The following ZNF76 variants were observed in gnomAD, a reference collection of about 807,000 sequenced individuals.
ZNF76 encodes the protein zinc finger protein 523.
In ZNF76, 66 loss-of-function variants were observed where a neutral mutation model predicts 66.9. That is an observed-to-expected ratio of 0.99 (90% CI 0.81 to 1.21). The LOEUF (loss-of-function observed/expected upper bound fraction) is 1.21, where lower values mean the gene tolerates loss of function less well. ZNF76 is among the 50% of genes most tolerant of loss of function. The probability of loss-of-function intolerance (pLI) is 0.00; values close to 1 mark genes in which losing one functional copy is unlikely to be tolerated. For missense variants in ZNF76, 729 were observed against 760.3 expected (o/e 0.96, Z 0.48); for synonymous variants, 275 against 296.1 (o/e 0.93, Z 0.73).
chr6:35,276,504 C>A (rs1005198798), intron 1 of ZNF76, among the ~76,000 whole-genome samples: 4 of 152,218 alleles, frequency 2.6e-5, no homozygotes, highest in Non-Finnish European at 5.9e-5. Context: ...ACTATTATCC[C>A]CATTTTCTCA....
chr6:35,291,760 A>G, intron 9 of ZNF76, 23 bp downstream of exon 9: 2 of 1,601,440 alleles, frequency 1.2e-6, no homozygotes, highest in African/African-American at 1.3e-5. Flanking sequence ...GCATGCGAGG[A>G]CTACCCTCAC....
chr6:35,270,073 T>C (rs952536133), intron 1 of ZNF76, among the ~76,000 whole-genome samples: 5 of 152,216 alleles, frequency 3.3e-5, no homozygotes, highest in Non-Finnish European at 5.9e-5. Context: ...AAGCATGCAT[T>C]TAGACTTTCT....
In ZNF76 at chr6:35,286,413, C is replaced by A; in HGVS notation, c.232+14C>A. Reference sequence around the variant, plus strand: ...GCACACCCAGAGGTAGGGTCACCATCATCACAACTCGGGGAAGGATGGGAG... The same window carrying A: ...GCACACCCAGAGGTAGGGTCACCATAATCACAACTCGGGGAAGGATGGGAG... On this transcript the variant is annotated intron_variant, in intron 4 of 13. Coordinates refer to ENST00000373953, the MANE Select transcript of ZNF76 (RefSeq NM_003427.5). The A allele has an allele frequency of 6.2e-7, 1 of 1,612,940 alleles. No homozygotes were observed. The highest frequency in any genetic ancestry group is 8.5e-7 in the Non-Finnish European group (1 of 1,179,374).
intron 9 of ZNF76, 108 bp downstream of exon 9, chr6:35,291,845 G>A: frequency 1.5e-6 from 2 of 1,364,006 alleles, no homozygotes; most frequent in Non-Finnish European, 2.0e-6. Context: ...ACCCTTCTGT[G>A]CCAGCCATTC....
At chr6:35,262,057 A>G (rs1017378335) in intron 1 of ZNF76, among the ~76,000 whole-genome samples, 6 of 152,354 alleles carry the variant, frequency 3.9e-5, no homozygotes, top group African/African-American at 1.2e-4. Flanking sequence ...AGACCTAAAG[A>G]AATGATTAAA....
At chr6:35,270,337 A>C (rs769791963) in intron 1 of ZNF76, 1 of 151,590 alleles carries the variant, frequency 6.6e-6, no homozygotes, top group African/African-American at 2.4e-5. Context: ...GGGTTTCACT[A>C]TGTTGGCCAG....
chr6:35,284,936 C>A (rs1435986017), intron 2 of ZNF76, among the ~76,000 whole-genome samples: 1 of 152,158 alleles, frequency 6.6e-6, no homozygotes, highest in Non-Finnish European at 1.5e-5. Flanking sequence ...GTCTCAAACT[C>A]CTGAGCTCAA....
Position 35,259,741 on chromosome 6 carries a change from G to C in ZNF76, c.-197G>C, listed in dbSNP as rs1474040029. On this transcript the variant is annotated 5_prime_UTR_variant, in exon 1 of 14. Coordinates refer to ENST00000373953, the MANE Select transcript of ZNF76 (RefSeq NM_003427.5). ...ATATCGCGCGAGGCAAGCTGCGCGC[G>C]GGCGGGCGGGCTATGGCGCAGGCGG... The C allele has an allele frequency of 6.6e-6, 1 of 152,600 alleles. No individual in the cohort carries two copies. The highest frequency in any genetic ancestry group is 1.5e-5 in the Non-Finnish European group (1 of 68,400). The allele number at this position is 152,600 out of a possible 1,614,324, so 9.5% of individuals were successfully genotyped here. A position where few individuals can be genotyped will look rare whatever the true frequency, so the allele number is the denominator to read the frequency against.
At chr6:35,284,475 T>C in intron 2 of ZNF76, among the ~76,000 whole-genome samples, 1 of 151,768 alleles carries the variant, frequency 6.6e-6, no homozygotes, top group South Asian at 2.1e-4. Context: ...CTCAGCTCAC[T>C]GCAACCTCCG....
At chr6:35,293,640 A>G in intron 11 of ZNF76, 111 bp from the exon 12 acceptor site, 1 of 1,321,600 alleles carries the variant, frequency 7.6e-7, no homozygotes, top group Non-Finnish European at 1.0e-6. Flanking sequence ...CACCACTATG[A>G]CATGAAACTA....
At chr6:35,269,535 A>T (rs1194161373) in intron 1 of ZNF76, among the ~76,000 whole-genome samples, 1 of 151,992 alleles carries the variant, frequency 6.6e-6, no homozygotes, top group Non-Finnish European at 1.5e-5. Flanking sequence ...TCACTTCATC[A>T]CTTCATTTGT....
chr6:35,272,148 A>G (rs1787165960), intron 1 of ZNF76, among the ~76,000 whole-genome samples: 1 of 152,012 alleles, frequency 6.6e-6, no homozygotes, highest in Non-Finnish European at 1.5e-5. Context: ...CTACTGCATT[A>G]AAAATATATC....
rs748351616 is a variant in ZNF76, at chr6:35,290,227, G to C, written c.433-39G>C. 3 of 1,611,056 alleles carry C rather than the reference G, an allele frequency of 1.9e-6. No homozygotes were observed. The East Asian group carries it at 6.7e-5, about 36-fold the overall frequency. On this transcript the variant is annotated intron_variant, in intron 5 of 13. Coordinates refer to ENST00000373953, the MANE Select transcript of ZNF76 (RefSeq NM_003427.5). ...GCCCTGTGTCCCACCTTCTTCACTGGGGAGAATACATATAGGGATCTCAAG... is the reference window on the plus strand; with the variant it reads ...GCCCTGTGTCCCACCTTCTTCACTGCGGAGAATACATATAGGGATCTCAAG...
At chr6:35,272,729 CCT>C (rs1183856068) in intron 1 of ZNF76, among the ~76,000 whole-genome samples, 6 of 152,336 alleles carry the variant, frequency 3.9e-5, no homozygotes, top group African/African-American at 1.4e-4. Flanking sequence ...GCCTCAACTT[CCT>C]GGGCTTGAAT....
At chr6:35,291,878 A>T (rs1024725150) in intron 9 of ZNF76, 141 bp downstream of exon 9, 14 of 926,116 alleles carry the variant, frequency 1.5e-5, no homozygotes, top group Non-Finnish European at 2.1e-5. Context: ...GGGGTAGGGT[A>T]TCCCCAGAAC....
chr6:35,290,960 T>G, intron 7 of ZNF76: 1 of 598,620 alleles, frequency 1.7e-6, no homozygotes, highest in Non-Finnish European at 3.0e-6. Flanking sequence ...TCAGCTCTGA[T>G]GCCAACCAGC....
rs938351012 is a variant in ZNF76, at chr6:35,291,419, C to T, written c.751+16C>T. The stretch of plus-strand genomic sequence containing the variant: ...ACCCACACTGGTATGCTGGGCCCTG[C>T]CCACTCCAACCCCATTCCCTGGGCA... On this transcript the variant is annotated intron_variant, in intron 8 of 13. Coordinates refer to ENST00000373953, the MANE Select transcript of ZNF76 (RefSeq NM_003427.5). 6.2e-7 allele frequency: 1 copy of T among 1,614,058 alleles called. No homozygotes were observed.
At chr6:35,266,797 C>CTTTTTTTTTTTTT (rs57833954) in intron 1 of ZNF76, among the ~76,000 whole-genome samples, 2 of 93,280 alleles carry the variant, frequency 2.1e-5, no homozygotes, top group Non-Finnish European at 3.8e-5. Flanking sequence ...TTGTCTATTT[C>CTTTTTTTTTTTTT]TTTTTTTTTT....
intron 1 of ZNF76, among the ~76,000 whole-genome samples, chr6:35,263,762 T>C (rs1414744041): frequency 6.6e-6 from 1 of 152,192 alleles, no homozygotes; most frequent in Admixed American, 6.5e-5. Flanking sequence ...TTTTTTCTTT[T>C]CTTTTCGAGA....
Sources: allele counts gnomAD v4.1 joint callset (sites outside exome capture counted in the v4.1 genomes callset), GRCh38; gene constraint gnomAD v4.1.1; transcripts MANE v1.5; gene names NCBI Gene and HGNC (gene_info 2026-07-23, HGNC 2026-07-21).